The following AKAP11 variants were observed in gnomAD, a reference collection of about 807,000 sequenced individuals.
AKAP11 encodes the protein A-kinase anchoring protein 11, also known as A-kinase anchor protein 11.
In AKAP11, 36 loss-of-function variants were observed where a neutral mutation model predicts 146.1. The ratio of observed to expected loss-of-function variants is 0.25; its 90% CI spans 0.19 to 0.33. The LOEUF is 0.33. AKAP11 is among the 10% of genes least tolerant of loss of function. The pLI is 1.00. For synonymous variants in AKAP11, 780 were observed against 786.5 expected, an observed-to-expected ratio of 0.99 and a Z score of 0.14; for missense variants, 2,201 against 2,197.0, an observed-to-expected ratio of 1.00 and a Z score of -0.04.
chr13:42,298,337 G>A (rs945733151), intron 6 of AKAP11, among the ~76,000 whole-genome samples, 196 bp from the exon 7 acceptor site: 8 of 151,890 alleles, frequency 5.3e-5, no homozygotes, highest in East Asian at 1.9e-4. Flanking sequence ...AAAGAAGATG[G>A]GAGAAAAAAG....
At position 42,302,072 on chromosome 13, in the gene AKAP11, C is replaced by A; in HGVS notation, c.3326C>A (p.Ser1109Tyr). The stretch of plus-strand genomic sequence containing the variant: ...CCTCCATCAACTCCTCTAGTACCAT[C>A]CCGGGCTAGTTCTGAATGGGATATC... ...DTPPSTPLVP[S>Y]RASSEWDIKK... is the part of the protein sequence containing the mutation. Residue 1109 changes from serine to tyrosine, a missense_variant, in exon 8 of 13, where the codon TCC becomes TAC. Physicochemically the swap from Ser to Tyr is moderately radical, Grantham distance 144 (BLOSUM62 -2). Coordinates refer to ENST00000025301, the MANE Select transcript of AKAP11 (RefSeq NM_016248.4). 6.2e-7 allele frequency: 1 copy of A among 1,614,148 alleles called. No homozygotes were observed. Among genetic ancestry groups the A allele is most frequent in the Non-Finnish European group, 8.5e-7 (1 of 1,180,020 alleles).
At chr13:42,275,646 G>C (rs778446987) in intron 1 of AKAP11, among the ~76,000 whole-genome samples, 1 of 152,196 alleles carries the variant, frequency 6.6e-6, no homozygotes, top group East Asian at 1.9e-4. Flanking sequence ...GTTCTAACCA[G>C]ATCTAACCAG....
rs1472268914 is a variant in AKAP11, at chr13:42,320,079, T to A, written c.*851T>A. The A allele has an allele frequency of 6.6e-6, 1 of 152,650 alleles. No individual in the cohort carries two copies. Among genetic ancestry groups the A allele is most frequent in the Non-Finnish European group, 1.5e-5 (1 of 68,022 alleles). The allele number at this position is 152,650 out of a possible 1,614,324, so 9.5% of individuals were successfully genotyped here. On this transcript the variant is annotated 3_prime_UTR_variant, in exon 13 of 13. Coordinates refer to ENST00000025301, the MANE Select transcript of AKAP11 (RefSeq NM_016248.4). ...CCTATAAAGATTGTGCAGTAAGAATTTTTATTGACAATAATTAAAATTTTT... is the reference window on the plus strand; with the variant it reads ...CCTATAAAGATTGTGCAGTAAGAATATTTATTGACAATAATTAAAATTTTT...
Position 42,319,290 on chromosome 13 carries a change from TG to T in AKAP11, c.*63del. 6.4e-7 allele frequency: 1 copy of T among 1,565,196 alleles called. No individual in the cohort carries two copies. The highest frequency in any genetic ancestry group is 2.3e-5 in the East Asian group (1 of 43,882). On this transcript the variant is annotated 3_prime_UTR_variant, in exon 13 of 13. Coordinates refer to ENST00000025301, the MANE Select transcript of AKAP11 (RefSeq NM_016248.4). ...GGGGAGGGGAACAAGCCAATAAAGA[TG>T]TTTAGGATAAAATTTGAATAGTGAA...
chr13:42,315,811 A>G (rs1244343264), intron 11 of AKAP11, among the ~76,000 whole-genome samples: 4 of 152,238 alleles, frequency 2.6e-5, no homozygotes, highest in Admixed American at 1.3e-4. Flanking sequence ...GTCTGGATTT[A>G]TAGAAAGATT....
rs749954161 is a variant in AKAP11 at position 42,303,398 on chromosome 13, C to T, written c.4652C>T (p.Thr1551Ile). The change falls in exon 8 of 13, where the codon ACT becomes ATT. Residue 1551 changes from threonine (T) to isoleucine (I), a missense_variant. By Grantham distance (89) the Thr-to-Ile change is moderately conservative (BLOSUM62 -1). Transcript: ENST00000025301. Reference sequence around the variant, plus strand: ...TATGCCAAAAAAGTAGTGGATGACACTCTAGAGCTAACTCTAGGATCTACA... The same window carrying T: ...TATGCCAAAAAAGTAGTGGATGACATTCTAGAGCTAACTCTAGGATCTACA... ...EQYAKKVVDD[T>I]LELTLGSTVF... is the part of the protein sequence containing the mutation. 5 of 1,613,968 alleles carry T rather than the reference C, an allele frequency of 3.1e-6. No individual in the cohort carries two copies. The highest frequency in any genetic ancestry group is 3.4e-6 in the Non-Finnish European group (4 of 1,180,014).
Position 42,303,117 on chromosome 13 carries a change from T to A in AKAP11, c.4371T>A (p.Phe1457Leu). The A allele has an allele frequency of 1.2e-6, 2 of 1,614,166 alleles. No homozygotes were observed. The highest frequency in any genetic ancestry group is 1.7e-6 in the Non-Finnish European group (2 of 1,180,040). Reference protein sequence around the residue: ...YRNEVSQLYSFSTSLVHSITK... With the variant: ...YRNEVSQLYSLSTSLVHSITK... ...ATGAGGTCTCCCAACTGTATAGTTT[T>A]TCAACCTCTCTGGTTCACAGCATAA... The change falls in exon 8 of 13, where the codon TTT becomes TTA. Residue 1457 changes from phenylalanine to leucine, a missense_variant. By Grantham distance (22) the Phe-to-Leu change is conservative. Transcript: ENST00000025301.
In AKAP11 at chr13:42,320,561, C is replaced by T. The variant is rs1319541495; in HGVS notation, c.*1333C>T. The T allele has an allele frequency of 1.4e-5, 2 of 145,482 alleles. No homozygotes were observed. The highest frequency in any genetic ancestry group is 2.5e-4 in the South Asian group (1 of 4,070). 9.0% of individuals were successfully genotyped at this position (145,482 alleles called of 1,614,324 possible). A position where few individuals can be genotyped will look rare whatever the true frequency, so the allele number is the denominator to read the frequency against. On this transcript the variant is annotated 3_prime_UTR_variant, in exon 13 of 13. Coordinates refer to ENST00000025301, the MANE Select transcript of AKAP11 (RefSeq NM_016248.4). ...TCTCACCTCCCCCACCCCCCACTCT[C>T]TCTCATCTCTCGCTGTGTCCTGTGT...
intron 3 of AKAP11, among the ~76,000 whole-genome samples, chr13:42,289,304 C>T (rs942274886): frequency 6.6e-6 from 1 of 152,208 alleles, no homozygotes; most frequent in African/African-American, 2.4e-5. Flanking sequence ...GGGCAAATGC[C>T]CTTTAATTAC....
chr13:42,298,744 T>C lies in AKAP11; in HGVS notation c.563T>C (p.Val188Ala). The C allele has an allele frequency of 6.2e-7, 1 of 1,601,456 alleles. No homozygotes were observed. Among genetic ancestry groups the C allele is most frequent in the Non-Finnish European group, 8.5e-7 (1 of 1,176,396 alleles). ...GTGTCATCCATAGAGGATGACTTTG[T>C]CACTGCTTTTGAGCACTTAGAAGAG... The part of the protein sequence containing the change: ...QSVSSIEDDF[V>A]TAFEHLEEEE... Residue 188 changes from valine to alanine, a missense_variant, in exon 7 of 13, where the codon GTC becomes GCC. By Grantham distance (64) the Val-to-Ala change is moderately conservative. Coordinates refer to ENST00000025301, the MANE Select transcript of AKAP11 (RefSeq NM_016248.4).
intron 11 of AKAP11, among the ~76,000 whole-genome samples, chr13:42,316,797 T>C (rs1483435653): frequency 6.6e-6 from 1 of 152,242 alleles, no homozygotes; most frequent in Non-Finnish European, 1.5e-5. Context: ...TTTGTACATA[T>C]AAAGAGCTTA....
At chr13:42,280,572 A>G (rs972281141) in intron 1 of AKAP11, among the ~76,000 whole-genome samples, 2 of 152,222 alleles carry the variant, frequency 1.3e-5, no homozygotes, top group African/African-American at 4.8e-5. Context: ...TTAGTTCAGC[A>G]GATGTTTGAA....
intron 1 of AKAP11, among the ~76,000 whole-genome samples, chr13:42,272,906 G>C (rs1958814314): frequency 6.6e-6 from 1 of 152,134 alleles, no homozygotes; most frequent in Non-Finnish European, 1.5e-5. Flanking sequence ...AGATGTAACC[G>C]AAGTATTAAA....
chr13:42,312,555 G>C (rs1002286634), intron 9 of AKAP11, among the ~76,000 whole-genome samples: 5 of 152,078 alleles, frequency 3.3e-5, no homozygotes, highest in African/African-American at 1.2e-4. Context: ...GTCTGTTTGG[G>C]ACTATGTCTT....
At chr13:42,307,159 A>G (rs1960303396) in intron 8 of AKAP11, among the ~76,000 whole-genome samples, 1 of 152,220 alleles carries the variant, frequency 6.6e-6, no homozygotes, top group Admixed American at 6.5e-5. Context: ...ACAAAGTAGT[A>G]ATCTATCAAT....
Position 42,299,773 on chromosome 13 carries a change from G to A in AKAP11, c.1027G>A (p.Asp343Asn). The A allele has an allele frequency of 6.2e-7, 1 of 1,613,970 alleles. No individual in the cohort carries two copies. The highest frequency in any genetic ancestry group is 2.2e-5 in the East Asian group (1 of 44,886). The stretch of plus-strand genomic sequence containing the variant: ...GCTGCCTAAAATTCCTGTGATGAAA[G>A]ATGATATAGAGGATTCAGACTCAGA... Reference protein sequence around the residue: ...LELPKIPVMKDDIEDSDSEVS... With the variant: ...LELPKIPVMKNDIEDSDSEVS... Residue 343 changes from aspartate (D) to asparagine (N), a missense_variant, in exon 8 of 13, where the codon GAT becomes AAT. Asp to Asn is a conservative substitution (Grantham distance 23). Transcript: ENST00000025301.
chr13:42,283,632 G>C lies in AKAP11; in HGVS notation c.-99-2354G>C, dbSNP rs972172640. On this transcript the variant is annotated intron_variant, in intron 1 of 12. Coordinates refer to ENST00000025301, the MANE Select transcript of AKAP11 (RefSeq NM_016248.4). Reference sequence around the variant, plus strand: ...ACTGTTTCTTCTACCTTAGGTGCTTGTTGCACCTGAGGGTGAGCAGCTCAT... The same window carrying C: ...ACTGTTTCTTCTACCTTAGGTGCTTCTTGCACCTGAGGGTGAGCAGCTCAT... 2.0e-5 allele frequency among the ~76,000 whole-genome samples: 3 copies of C among 152,292 alleles called. No homozygotes were observed. The South Asian group carries it at 6.2e-4, about 32-fold the overall frequency.
intron 1 of AKAP11, among the ~76,000 whole-genome samples, chr13:42,279,320 GTC>G (rs1213039793): frequency 2.0e-5 from 3 of 151,856 alleles, no homozygotes; most frequent in Non-Finnish European, 4.4e-5. Flanking sequence ...TACTCACTAT[GTC>G]TCTTCGTGGA....
chr13:42,293,616 G>A (rs1959324524), intron 4 of AKAP11, among the ~76,000 whole-genome samples: 1 of 152,080 alleles, frequency 6.6e-6, no homozygotes, highest in Non-Finnish European at 1.5e-5. Flanking sequence ...TAATACATAT[G>A]CTCATCTTCT....
Sources: allele counts gnomAD v4.1 joint callset (sites outside exome capture counted in the v4.1 genomes callset), GRCh38; gene constraint gnomAD v4.1.1; transcripts MANE v1.5; gene names NCBI Gene and HGNC (gene_info 2026-07-23, HGNC 2026-07-21).